Variants in OR7A10 observed in about 807,000 individuals in gnomAD.
The protein encoded by OR7A10 is olfactory receptor family 7 subfamily A member 10.
For synonymous variants in OR7A10, 144 were observed against 144.5 expected (o/e 1.00, Z 0.02); for missense variants, 358 against 370.1 (o/e 0.97, Z 0.27).
At position 14,841,703 on chromosome 19, in the gene OR7A10, T is replaced by C. The variant is rs1286181623; in HGVS notation, c.175A>G (p.Met59Val). ...TISDSHLHTP[M>V]YFFLSNLSFV... ...GACAGGTTGGAGAGGAAGAAGTACA[T>C]GGGGGTGTGGAGGTGGGAGTCTGAG... Residue 59 changes from methionine to valine, a missense_variant, in exon 2 of 2, where the codon ATG becomes GTG. Transcript: ENST00000641129. 1.7e-5 allele frequency: 28 copies of C among 1,614,026 alleles called. No individual in the cohort carries two copies. The highest frequency in any genetic ancestry group is 2.4e-5 in the Non-Finnish European group (28 of 1,180,008).
Position 14,842,825 on chromosome 19 carries a change from A to G in OR7A10, c.-12-936T>C, listed in dbSNP as rs532946477. Among the ~76,000 whole-genome samples, 29 of 152,286 alleles carry G rather than the reference A, an allele frequency of 1.9e-4. 1 individual carries two copies. In the South Asian group the frequency reaches 6.0e-3, roughly 32 times the overall value. On this transcript the variant is annotated intron_variant, in intron 1 of 1. Coordinates refer to ENST00000641129, the MANE Select transcript of OR7A10 (RefSeq NM_001005190.2). ...AATTGTGAATAGTGCTGTGATGAATATAAGTGTGGATGTGTCCTTATGGTA... is the reference window on the plus strand; with the variant it reads ...AATTGTGAATAGTGCTGTGATGAATGTAAGTGTGGATGTGTCCTTATGGTA...
At chr19:14,844,735 T>A (rs990094089) in intron 1 of OR7A10, among the ~76,000 whole-genome samples, 4 of 142,850 alleles carry the variant, frequency 2.8e-5, no homozygotes, top group African/African-American at 1.0e-4. Flanking sequence ...CGATCTTGGC[T>A]CACTGCAACC....
Position 14,840,993 on chromosome 19 carries a change from T to G in OR7A10, c.885A>C (p.Lys295Asn). The change falls in exon 2 of 2, where the codon AAA becomes AAC. Residue 295 changes from lysine to asparagine, a missense_variant. Physicochemically the swap from Lys to Asn is moderately conservative, Grantham distance 94 (BLOSUM62 0). Coordinates refer to ENST00000641129, the MANE Select transcript of OR7A10 (RefSeq NM_001005190.2). ...ATGTTTTCATAGCACCCTTTATGTG[T>G]TTATTCCTCAGACTGTAGATGAAGG... is the stretch of plus-strand genomic sequence containing the variant. The part of the protein sequence containing the change: ...LNPFIYSLRN[K>N]HIKGAMKTFF... The G allele has an allele frequency of 6.2e-7, 1 of 1,613,890 alleles. No homozygotes were observed. The highest frequency in any genetic ancestry group is 1.1e-5 in the South Asian group (1 of 91,062).
rs377328489 is a variant in OR7A10 at position 14,847,786 on chromosome 19, C to G, written c.-13+714G>C. ...ACCTCGGCCTCCCAAAGTGCTGGGA[C>G]TACAGGCGTGAGCCACCACGCCGGA... On this transcript the variant is annotated intron_variant, in intron 1 of 1. Coordinates refer to ENST00000641129, the MANE Select transcript of OR7A10 (RefSeq NM_001005190.2). Among the ~76,000 whole-genome samples the G allele has an allele frequency of 3.9e-4, 59 of 150,890 alleles. No homozygotes were observed. In the Middle Eastern group the frequency reaches 0.01, roughly 26 times the overall value.
At chr19:14,845,334 G>T (rs935611349) in intron 1 of OR7A10, among the ~76,000 whole-genome samples, 8 of 152,026 alleles carry the variant, frequency 5.3e-5, no homozygotes, top group Admixed American at 1.3e-4. Flanking sequence ...AATTAGCTGG[G>T]CGTGGTGGTG....
chr19:14,845,498 G>T (rs1051560178), intron 1 of OR7A10, among the ~76,000 whole-genome samples: 1 of 151,880 alleles, frequency 6.6e-6, no homozygotes, highest in African/African-American at 2.4e-5. Flanking sequence ...AAGTGAAAAT[G>T]GTGGTGATAT....
rs151289012 is a variant in OR7A10 at position 14,841,634 on chromosome 19, G to C, written c.244C>G (p.Leu82Val). ...TTGTTGTGTGTCTGGATGTTCACCA[G>C]CATCTTCGGGACAGTGGTAGAGACA... ...CFVSTTVPKM[L>V]VNIQTHNKVI... Residue 82 changes from leucine to valine, a missense_variant, in exon 2 of 2, where the codon CTG becomes GTG. By Grantham distance (32) the Leu-to-Val change is conservative (BLOSUM62 1). Coordinates refer to ENST00000641129, the MANE Select transcript of OR7A10 (RefSeq NM_001005190.2). 20 of 1,614,068 alleles carry C rather than the reference G, an allele frequency of 1.2e-5. No individual in the cohort carries two copies. The Middle Eastern group carries it at 4.9e-4, about 40-fold the overall frequency.
chr19:14,841,993 A>G (rs1487169262), intron 1 of OR7A10, 104 bp from the exon 2 acceptor site: 1 of 693,652 alleles, frequency 1.4e-6, no homozygotes, highest in African/African-American at 1.8e-5. Flanking sequence ...CACAGTCAAG[A>G]AGTTAATATC....
intron 1 of OR7A10, among the ~76,000 whole-genome samples, chr19:14,846,180 G>A (rs2007696): frequency 1 from 152,028 of 152,322 alleles, 75,869 homozygotes; most frequent in East Asian, 1. Flanking sequence ...AAATGTTTTT[G>A]TAGCATTTAT....
At chr19:14,844,450 T>C (rs981297418) in intron 1 of OR7A10, among the ~76,000 whole-genome samples, 1 of 152,024 alleles carries the variant, frequency 6.6e-6, no homozygotes, top group Non-Finnish European at 1.5e-5. Flanking sequence ...AGGAATCCAG[T>C]GTAGCGAGAG....
intron 1 of OR7A10, among the ~76,000 whole-genome samples, chr19:14,844,667 T>G (rs1047915742): frequency 1.5e-5 from 2 of 133,256 alleles, no homozygotes; most frequent in Non-Finnish European, 3.2e-5. Flanking sequence ...GTTCTGTGTT[T>G]TTTTTTTTTT....
rs2044909913 is a variant in OR7A10 at position 14,841,229 on chromosome 19, A to C, written c.649T>G (p.Ser217Ala). The C allele has an allele frequency of 6.2e-7, 1 of 1,614,220 alleles. No individual in the cohort carries two copies. Among genetic ancestry groups the C allele is most frequent in the Non-Finnish European group, 8.5e-7 (1 of 1,180,038 alleles). Reference protein sequence around the residue: ...GGGPLTGILYSYSKIVSSIRA... With the variant: ...GGGPLTGILYAYSKIVSSIRA... The stretch of plus-strand genomic sequence containing the variant: ...ATGGAGGAAACTATCTTAGAGTAAG[A>C]GTACAGGATCCCAGTGAGGGGACCA... Residue 217 changes from serine to alanine, a missense_variant, in exon 2 of 2, where the codon TCT (serine) becomes GCT (alanine). Transcript: ENST00000641129.
At chr19:14,843,442 A>T (rs2044925252) in intron 1 of OR7A10, among the ~76,000 whole-genome samples, 1 of 152,202 alleles carries the variant, frequency 6.6e-6, no homozygotes, top group Non-Finnish European at 1.5e-5. Flanking sequence ...TATCACGGTG[A>T]ACTGTTGTCA....
At chr19:14,841,942 C>T (rs1726076267) in intron 1 of OR7A10, 53 bp from the exon 2 acceptor site, 1 of 1,053,640 alleles carries the variant, frequency 9.5e-7, no homozygotes, top group Non-Finnish European at 1.4e-6. Context: ...ATGAAACAAA[C>T]ATGCATTCCA....
intron 1 of OR7A10, among the ~76,000 whole-genome samples, chr19:14,848,106 G>T (rs1419667700): frequency 6.8e-6 from 1 of 146,310 alleles, no homozygotes; most frequent in Non-Finnish European, 1.5e-5. Context: ...CTGGGCGACA[G>T]AGTAAGACTC....
chr19:14,844,666 T>TTTG (rs1555697166), intron 1 of OR7A10, among the ~76,000 whole-genome samples: 1 of 131,906 alleles, frequency 7.6e-6, no homozygotes, highest in Non-Finnish European at 1.6e-5. Flanking sequence ...AGTTCTGTGT[T>TTTG]TTTTTTTTTT....
At chr19:14,842,682 C>T (rs1317663823) in intron 1 of OR7A10, among the ~76,000 whole-genome samples, 2 of 152,126 alleles carry the variant, frequency 1.3e-5, no homozygotes, top group Admixed American at 6.5e-5. Flanking sequence ...CATGTTGCTG[C>T]GAAGGACATT....
intron 1 of OR7A10, among the ~76,000 whole-genome samples, chr19:14,846,508 G>A (rs1165739033): frequency 1.3e-5 from 2 of 151,782 alleles, no homozygotes; most frequent in African/African-American, 2.4e-5. Context: ...ACAAATTTAA[G>A]ATTAAACTAC....
chr19:14,840,711 T>C lies in OR7A10; in HGVS notation c.*237A>G. The C allele has an allele frequency of 5.2e-6, 2 of 383,874 alleles. No homozygotes were observed. The highest frequency in any genetic ancestry group is 4.7e-6 in the Non-Finnish European group (1 of 213,972). 23.8% of individuals were successfully genotyped at this position (383,874 alleles called of 1,614,324 possible). On this transcript the variant is annotated 3_prime_UTR_variant, in exon 2 of 2. Coordinates refer to ENST00000641129, the MANE Select transcript of OR7A10 (RefSeq NM_001005190.2). The stretch of plus-strand genomic sequence containing the variant: ...AGATGTACCCCAACGAAAACAAATA[T>C]TCCATAGTTATTTCATGTATGATTG...
Sources: gnomAD v4.1 joint callset for allele counts (sites outside exome capture counted in the v4.1 genomes callset) on GRCh38, gnomAD v4.1.1 for gene constraint, MANE v1.5 for transcripts, NCBI Gene and HGNC (gene_info 2026-07-23, HGNC 2026-07-21) for gene names.